The following CLDN19 variants were observed in gnomAD, a reference collection of about 807,000 sequenced individuals.
CLDN19 encodes claudin 19, also known as claudin-19.
CLDN19 carries 19 observed loss-of-function variants against 24.5 expected under a neutral mutation model. That is an observed-to-expected ratio of 0.78 (90% CI 0.54 to 1.14). The LOEUF is 1.14. Ranked by LOEUF, CLDN19 falls within the 50% of genes most tolerant of loss-of-function variation. CLDN19 has a pLI of 0.00. For synonymous variants in CLDN19, 117 were observed against 129.6 expected (o/e 0.90, Z 0.66); for missense variants, 250 against 295.9 (o/e 0.84, Z 1.14).
At chr1:42,738,624 G>T in intron 1 of CLDN19, 39 bp from the exon 2 acceptor site, 1 of 1,600,108 alleles carries the variant, frequency 6.2e-7, no homozygotes, top group Non-Finnish European at 8.5e-7. Context: ...GGCTGGCGGG[G>T]ATGGGGGTTG....
chr1:42,738,123 G>A, intron 3 of CLDN19, 106 bp downstream of exon 3: 1 of 1,013,836 alleles, frequency 9.9e-7, no homozygotes, highest in Non-Finnish European at 1.6e-6. Flanking sequence ...AAGCTTCTTG[G>A]ACAGCAGCTG....
chr1:42,735,666 C>A (rs994439822), intron 4 of CLDN19: 12 of 1,440,538 alleles, frequency 8.3e-6, no homozygotes, highest in Non-Finnish European at 1.1e-5. Flanking sequence ...TGTGTGTATG[C>A]CTGGGGGCTG....
chr1:42,738,011 G>T (rs985402757), intron 3 of CLDN19, among the ~76,000 whole-genome samples: 8 of 151,874 alleles, frequency 5.3e-5, no homozygotes, highest in African/African-American at 1.7e-4. Context: ...CAGAGCCAGG[G>T]CACTTAGGTC....
intron 1 of CLDN19, among the ~76,000 whole-genome samples, chr1:42,738,911 C>A (rs1023990743): frequency 3.9e-5 from 6 of 152,146 alleles, no homozygotes; most frequent in African/African-American, 1.4e-4. Context: ...CAGCTGAGGG[C>A]AGCTCCAGGG....
At position 42,739,896 on chromosome 1, in the gene CLDN19, G is replaced by C. The variant is rs907045006; in HGVS notation, c.168C>G (p.Ser56=). 4.7e-5 allele frequency: 75 copies of C among 1,612,884 alleles called. No homozygotes were observed. The highest frequency in any genetic ancestry group is 6.2e-5 in the Non-Finnish European group (73 of 1,179,760). The change falls in exon 1 of 5, where the codon TCC becomes TCG. Residue 56 remains serine (S), a synonymous_variant. Transcript: ENST00000296387. Reference sequence around the variant, plus strand: ...TGCACTGCACTTGCCCAGTGCTCTGGGAGGCGCAGGACATCCAGAGCCCTT... The same window carrying C: ...TGCACTGCACTTGCCCAGTGCTCTGCGAGGCGCAGGACATCCAGAGCCCTT... ...LYEGLWMSCA[S]QSTGQVQCKL...
intron 3 of CLDN19, among the ~76,000 whole-genome samples, chr1:42,737,744 G>A (rs565721969): frequency 5.3e-5 from 8 of 152,272 alleles, no homozygotes; most frequent in East Asian, 3.9e-4. Context: ...GTGCAGTGGC[G>A]CAATCTCGGC....
chr1:42,735,628 C>T lies in CLDN19; in HGVS notation c.626+250G>A, dbSNP rs370684135. 2.4e-5 allele frequency: 34 copies of T among 1,430,596 alleles called. No homozygotes were observed. In the African/African-American group the frequency reaches 4.6e-4, roughly 19 times the overall value. 88.6% of individuals were successfully genotyped at this position (1,430,596 alleles called of 1,614,324 possible). On this transcript the variant is annotated intron_variant, in intron 4 of 4. Transcript: ENST00000296387. ...GCATGCTGGTGCCCACCAGGCTGTGCAGACAAGACCGTGCCTGGACCTGCA... is the reference window on the plus strand; with the variant it reads ...GCATGCTGGTGCCCACCAGGCTGTGTAGACAAGACCGTGCCTGGACCTGCA...
Position 42,735,905 on chromosome 1 carries a change from C to T in CLDN19, c.599G>A (p.Arg200Gln), listed in dbSNP as rs116804195. 0.015 allele frequency: 23,651 copies of T among 1,580,342 alleles called. 229 individuals carry two copies. The highest frequency in any genetic ancestry group is 0.034 in the Admixed American group (1,862 of 54,726). Residue 200 changes from arginine to glutamine, a missense_variant, in exon 4 of 5, where the codon CGG becomes CAG. Arg to Gln is a conservative substitution (Grantham distance 43, BLOSUM62 1). Coordinates refer to ENST00000296387, the MANE Select transcript of CLDN19 (RefSeq NM_148960.3). ...TCGGGCAGCAGCAGAGGGTCCAGGCCGATAGGGCTGTGGGCTGCTGTTGGG... is the reference window on the plus strand; with the variant it reads ...TCGGGCAGCAGCAGAGGGTCCAGGCTGATAGGGCTGTGGGCTGCTGTTGGG... ...ERPNSSPQPY[R>Q]PGPSAAAREP...
rs372780855 is a variant in CLDN19, at chr1:42,734,923, G to C, written c.*163C>G. The C allele has an allele frequency of 5.6e-5, 36 of 641,920 alleles. No individual in the cohort carries two copies. The highest frequency in any genetic ancestry group is 4.8e-4 in the African/African-American group (26 of 54,622). The allele number at this position is 641,920 out of a possible 1,614,324, so 39.8% of individuals were successfully genotyped here. A position where few individuals can be genotyped will look rare whatever the true frequency, so the allele number is the denominator to read the frequency against. On this transcript the variant is annotated 3_prime_UTR_variant, in exon 5 of 5. Transcript: ENST00000296387. ...CTCATCTTTCTGCCCAAGAGCCCCA[G>C]GGGTCAGCACTGACCACTCTGACAC...
At position 42,738,133 on chromosome 1, in the gene CLDN19, G is replaced by A; in HGVS notation, c.473+96C>T. ...CTTTAAAGCTTCTTGGACAGCAGCT[G>A]GATCCTGTCCCCACTTCCCCCGCCA... On this transcript the variant is annotated intron_variant, in intron 3 of 4. Transcript: ENST00000296387. 5.6e-6 allele frequency: 6 copies of A among 1,062,188 alleles called. No homozygotes were observed. In the Middle Eastern group the frequency reaches 1.1e-3, roughly 196 times the overall value. The allele number at this position is 1,062,188 out of a possible 1,614,324, so 65.8% of individuals were successfully genotyped here. A position where few individuals can be genotyped will look rare whatever the true frequency, so the allele number is the denominator to read the frequency against.
chr1:42,735,219 G>A, intron 4 of CLDN19, 85 bp from the exon 5 acceptor site: 1 of 1,593,502 alleles, frequency 6.3e-7, no homozygotes, highest in Non-Finnish European at 8.5e-7. Context: ...CCGGACATGG[G>A]TACTGGCCAG....
chr1:42,735,562 T>C (rs1651332594), intron 4 of CLDN19: 2 of 1,419,984 alleles, frequency 1.4e-6, no homozygotes, highest in Non-Finnish European at 1.8e-6. Flanking sequence ...CTTCAGTGAG[T>C]AAACAGCCGG....
In CLDN19 at chr1:42,733,325, C is replaced by T. The variant is rs1262264797; in HGVS notation, c.*1761G>A. On this transcript the variant is annotated 3_prime_UTR_variant, in exon 5 of 5. Coordinates refer to ENST00000296387, the MANE Select transcript of CLDN19 (RefSeq NM_148960.3). ...CCTGACTTCAGGTATCTACCCACCT[C>T]GGCCTCCCAAAGTGCTGGGATTACA... 5 of 152,422 alleles carry T rather than the reference C, an allele frequency of 3.3e-5. No homozygotes were observed. Among genetic ancestry groups the T allele is most frequent in the Admixed American group, 1.3e-4 (2 of 15,274 alleles). The allele number at this position is 152,422 out of a possible 1,614,324, so 9.4% of individuals were successfully genotyped here.
At position 42,735,017 on chromosome 1, in the gene CLDN19, C is replaced by G. The variant is rs1651311245; in HGVS notation, c.*69G>C. 12 of 1,320,626 alleles carry G rather than the reference C, an allele frequency of 9.1e-6. No homozygotes were observed. Among genetic ancestry groups the G allele is most frequent in the Middle Eastern group, 1.8e-4 (1 of 5,520 alleles). The allele number at this position is 1,320,626 out of a possible 1,614,324, so 81.8% of individuals were successfully genotyped here. On this transcript the variant is annotated 3_prime_UTR_variant, in exon 5 of 5. Coordinates refer to ENST00000296387, the MANE Select transcript of CLDN19 (RefSeq NM_148960.3). ...TGATTGGGGCTGGATGTTCACTTCTCTTTCCAAAAAAATATGAAACACACA... is the reference window on the plus strand; with the variant it reads ...TGATTGGGGCTGGATGTTCACTTCTGTTTCCAAAAAAATATGAAACACACA...
chr1:42,740,124 G>C lies in CLDN19; in HGVS notation c.-61C>G. 7.4e-7 allele frequency: 1 copy of C among 1,359,942 alleles called. No individual in the cohort carries two copies. Among genetic ancestry groups the C allele is most frequent in the East Asian group, 2.5e-5 (1 of 40,054 alleles). 84.2% of individuals were successfully genotyped at this position (1,359,942 alleles called of 1,614,324 possible). A position where few individuals can be genotyped will look rare whatever the true frequency, so the allele number is the denominator to read the frequency against. On this transcript the variant is annotated 5_prime_UTR_variant, in exon 1 of 5. Transcript: ENST00000296387. ...GAGCTGGGCCAGGGTGCCAGCAGGGGCTTTGGTCATGGCCAGGTGGGAGGA... is the reference window on the plus strand; with the variant it reads ...GAGCTGGGCCAGGGTGCCAGCAGGGCCTTTGGTCATGGCCAGGTGGGAGGA...
chr1:42,735,324 C>A, intron 4 of CLDN19, 190 bp from the exon 5 acceptor site: 1 of 1,470,884 alleles, frequency 6.8e-7, no homozygotes, highest in Non-Finnish European at 9.0e-7. Context: ...GTGTAGGTGG[C>A]CCCCAGCCCT....
chr1:42,735,299 C>A, intron 4 of CLDN19, 165 bp from the exon 5 acceptor site: 1 of 1,506,718 alleles, frequency 6.6e-7, no homozygotes, highest in Non-Finnish European at 8.9e-7. Context: ...GCGCCATGGT[C>A]CGACCTCACC....
chr1:42,738,116 C>T (rs1179670464), intron 3 of CLDN19, 113 bp downstream of exon 3: 1 of 984,762 alleles, frequency 1.0e-6, no homozygotes, highest in Non-Finnish European at 1.6e-6. Context: ...CCCTTTAAAG[C>T]TTCTTGGACA....
chr1:42,739,736 T>G (rs1651487295), intron 1 of CLDN19, 105 bp downstream of exon 1: 3 of 931,176 alleles, frequency 3.2e-6, no homozygotes, highest in Non-Finnish European at 5.0e-6. Flanking sequence ...GAGCGGAGGC[T>G]GGAGGTTGGA....
Sources: gnomAD v4.1 joint callset for allele counts (sites outside exome capture counted in the v4.1 genomes callset) on GRCh38, gnomAD v4.1.1 for gene constraint, MANE v1.5 for transcripts, NCBI Gene and HGNC (gene_info 2026-07-23, HGNC 2026-07-21) for gene names.